GALNTL6: variants seen among roughly 807,000 people sequenced by gnomAD.
The protein encoded by GALNTL6 is polypeptide N-acetylgalactosaminyltransferase-like 6.
GALNTL6 carries 46 observed loss-of-function variants against 73.7 expected under a neutral mutation model. That is an observed-to-expected ratio of 0.62 (90% confidence interval 0.49 to 0.80). The LOEUF is 0.80. Ranked by LOEUF, GALNTL6 falls within the 30% of genes least tolerant of loss-of-function variation. GALNTL6 has a pLI of 0.00. For missense variants in GALNTL6, 604 were observed against 755.0 expected (o/e 0.80, Z 2.34); for synonymous variants, 259 against 263.7 (o/e 0.98, Z 0.17).
intron 3 of GALNTL6, among the ~76,000 whole-genome samples, chr4:172,253,909 G>C (rs1737966849): frequency 6.6e-6 from 1 of 151,800 alleles, no homozygotes; most frequent in African/African-American, 2.4e-5. Context: ...TATTGGTGAA[G>C]AGCCCTTTAA....
At chr4:172,214,588 C>T (rs1226192336) in intron 2 of GALNTL6, among the ~76,000 whole-genome samples, 5 of 149,666 alleles carry the variant, frequency 3.3e-5, no homozygotes, top group South Asian at 2.1e-4. Flanking sequence ...GATCTGGGCT[C>T]ACTGCAACCT....
At chr4:172,367,194 G>A (rs921900954) in intron 5 of GALNTL6, among the ~76,000 whole-genome samples, 3 of 152,206 alleles carry the variant, frequency 2.0e-5, no homozygotes, top group Non-Finnish European at 2.9e-5. Flanking sequence ...TAGGCATCAC[G>A]CGTTTTGATC....
chr4:172,756,711 A>G (rs1236857522), intron 5 of GALNTL6, among the ~76,000 whole-genome samples: 1 of 152,118 alleles, frequency 6.6e-6, no homozygotes, highest in African/African-American at 2.4e-5. Context: ...ATAAAATATT[A>G]TGAGATTTAT....
chr4:172,169,846 T>C lies in GALNTL6; in HGVS notation c.139-59810T>C, dbSNP rs188670297. Reference sequence around the variant, plus strand: ...ATCACAAGCTTTTCAGAGGTTTAATTTCAGAAGTCGTGGTAAGAATAATGA... The same window carrying C: ...ATCACAAGCTTTTCAGAGGTTTAATCTCAGAAGTCGTGGTAAGAATAATGA... On this transcript the variant is annotated intron_variant, in intron 2 of 12. Coordinates refer to ENST00000506823, the MANE Select transcript of GALNTL6 (RefSeq NM_001034845.3). 1.8e-4 allele frequency among the ~76,000 whole-genome samples: 27 copies of C among 152,328 alleles called. No individual in the cohort carries two copies. In the East Asian group the frequency reaches 5.2e-3, roughly 29 times the overall value.
chr4:172,546,825 T>TATATACATATATATAC (rs1491314696), intron 5 of GALNTL6, among the ~76,000 whole-genome samples: 1 of 146,546 alleles, frequency 6.8e-6, no homozygotes, highest in African/African-American at 2.5e-5. Flanking sequence ...TATACGTATA[T>TATATACATATATATAC]GTATAATTGT....
rs374985459 is a variant in GALNTL6, at chr4:172,912,586, A to C, written c.1042-18575A>C. ...GATTATATCCCATGCTTGGCTCACC[A>C]GGTCCCACGCCCACAGAGCCTTGCT... is the stretch of plus-strand genomic sequence containing the variant. On this transcript the variant is annotated intron_variant, in intron 8 of 12. Transcript: ENST00000506823. Among the ~76,000 whole-genome samples the C allele has an allele frequency of 1.2e-4, 18 of 152,342 alleles. No individual in the cohort carries two copies. In the South Asian group the frequency reaches 3.5e-3, roughly 30 times the overall value.
intron 3 of GALNTL6, among the ~76,000 whole-genome samples, chr4:172,259,357 A>G (rs1738179920): frequency 6.6e-6 from 1 of 151,084 alleles, no homozygotes; most frequent in Non-Finnish European, 1.5e-5. Context: ...CTAATAGTTA[A>G]TGATGTTGAG....
chr4:172,054,211 A>G (rs1730956529), intron 2 of GALNTL6, among the ~76,000 whole-genome samples: 2 of 152,230 alleles, frequency 1.3e-5, no homozygotes, highest in South Asian at 4.1e-4. Flanking sequence ...GGTAACTCCA[A>G]TATACTGCAA....
intron 5 of GALNTL6, among the ~76,000 whole-genome samples, chr4:172,610,113 C>A (rs1334905935): frequency 6.6e-6 from 1 of 151,820 alleles, no homozygotes; most frequent in Non-Finnish European, 1.5e-5. Flanking sequence ...ATCTAGCAGT[C>A]TATTCTATTA....
chr4:172,520,362 G>C (rs984744217), intron 5 of GALNTL6, among the ~76,000 whole-genome samples: 3 of 151,888 alleles, frequency 2.0e-5, no homozygotes, highest in Non-Finnish European at 2.9e-5. Flanking sequence ...TTTATACACA[G>C]TTCTCACTAG....
intron 11 of GALNTL6, among the ~76,000 whole-genome samples, chr4:173,014,142 C>T (rs1262771871): frequency 6.6e-6 from 1 of 152,070 alleles, no homozygotes; most frequent in Non-Finnish European, 1.5e-5. Context: ...TAAGAAAATG[C>T]CTTCTGCTGC....
At chr4:171,989,790 T>A (rs778239769) in intron 2 of GALNTL6, among the ~76,000 whole-genome samples, 7 of 152,232 alleles carry the variant, frequency 4.6e-5, no homozygotes, top group Non-Finnish European at 1.0e-4. Flanking sequence ...GACGGCCTTT[T>A]GACCTTTTAA....
chr4:172,362,892 C>T (rs967115379), intron 5 of GALNTL6, among the ~76,000 whole-genome samples: 1 of 152,136 alleles, frequency 6.6e-6, no homozygotes, highest in Admixed American at 6.6e-5. Flanking sequence ...AGTCATTTTT[C>T]CTTCTCATTC....
chr4:171,939,070 CA>C (rs1227279966), intron 2 of GALNTL6, among the ~76,000 whole-genome samples: 5 of 135,508 alleles, frequency 3.7e-5, no homozygotes, highest in Admixed American at 7.9e-5. Flanking sequence ...TTGCCTTCAC[CA>C]AAAAAACAGA....
chr4:172,529,191 A>T (rs1735085231), intron 5 of GALNTL6, among the ~76,000 whole-genome samples: 1 of 151,526 alleles, frequency 6.6e-6, no homozygotes. Context: ...AAGGAAATAG[A>T]AAGTTAAATT....
intron 5 of GALNTL6, among the ~76,000 whole-genome samples, chr4:172,691,522 T>G (rs1010123384): frequency 6.6e-6 from 1 of 152,232 alleles, no homozygotes; most frequent in Non-Finnish European, 1.5e-5. Context: ...GTTACCTTAA[T>G]AGCACATGGC....
chr4:172,917,585 G>A (rs538954876), intron 8 of GALNTL6, among the ~76,000 whole-genome samples: 41 of 152,180 alleles, frequency 2.7e-4, no homozygotes, highest in African/African-American at 6.3e-4. Context: ...AAAAGTGGGC[G>A]AAAGACATGA....
chr4:172,560,088 T>A (rs970757926), intron 5 of GALNTL6, among the ~76,000 whole-genome samples: 1 of 152,150 alleles, frequency 6.6e-6, no homozygotes, highest in African/African-American at 2.4e-5. Flanking sequence ...AGAGTGAAGA[T>A]GAAGTCATTA....
chr4:172,947,844 T>G (rs1302956793), intron 9 of GALNTL6, among the ~76,000 whole-genome samples: 1 of 152,186 alleles, frequency 6.6e-6, no homozygotes, highest in Non-Finnish European at 1.5e-5. Flanking sequence ...CCTGACGAAC[T>G]CCAATGAGTA....
Sources: gnomAD v4.1 joint callset for allele counts (sites outside exome capture counted in the v4.1 genomes callset) on GRCh38, gnomAD v4.1.1 for gene constraint, MANE v1.5 for transcripts, NCBI Gene and HGNC (gene_info 2026-07-23, HGNC 2026-07-21) for gene names.